Variants in WDR41 observed in about 807,000 individuals in gnomAD.
The protein encoded by WDR41 is WD repeat-containing protein 41.
WDR41 carries 63 observed loss-of-function variants against 69.3 expected under a neutral mutation model. That is an observed-to-expected ratio of 0.91 (90% CI 0.74 to 1.12). WDR41 has a LOEUF of 1.12. WDR41 is among the 50% of genes most tolerant of loss of function. WDR41 has a pLI of 0.00. For missense variants in WDR41, 543 were observed against 534.5 expected, an observed-to-expected ratio of 1.02 and a Z score of -0.16; for synonymous variants, 185 against 192.1, an observed-to-expected ratio of 0.96 and a Z score of 0.31.
intron 1 of WDR41, among the ~76,000 whole-genome samples, chr5:77,589,988 A>C (rs1744108283): frequency 6.6e-6 from 1 of 152,130 alleles, no homozygotes; most frequent in South Asian, 2.1e-4. Context: ...TTTGGGTTAT[A>C]GCCTTTTATT....
intron 8 of WDR41, among the ~76,000 whole-genome samples, chr5:77,445,252 C>T (rs536160579): frequency 6.6e-6 from 1 of 152,134 alleles, no homozygotes; most frequent in African/African-American, 2.4e-5. Context: ...CCTGAATAGA[C>T]CAATAACAAG....
At chr5:77,555,898 A>G (rs1339146368) in intron 1 of WDR41, among the ~76,000 whole-genome samples, 1 of 152,162 alleles carries the variant, frequency 6.6e-6, no homozygotes, top group African/African-American at 2.4e-5. Context: ...AAAAGAGCCA[A>G]GAATTAAACA....
chr5:77,443,758 G>T (rs1480274836), intron 8 of WDR41, among the ~76,000 whole-genome samples: 1 of 151,966 alleles, frequency 6.6e-6, no homozygotes, highest in African/African-American at 2.4e-5. Flanking sequence ...CCATGCAGCT[G>T]CTTGCTCTGA....
intron 12 of WDR41, among the ~76,000 whole-genome samples, chr5:77,435,103 C>G (rs1798888938): frequency 6.6e-6 from 1 of 152,106 alleles, no homozygotes; most frequent in African/African-American, 2.4e-5. Flanking sequence ...GCTATCTTTG[C>G]CCTTCTGCCT....
At chr5:77,614,309 G>T (rs1744629319) in intron 1 of WDR41, among the ~76,000 whole-genome samples, 1 of 151,580 alleles carries the variant, frequency 6.6e-6, no homozygotes, top group African/African-American at 2.4e-5. Context: ...TATACCCAAA[G>T]GACTATAAAT....
intron 1 of WDR41, among the ~76,000 whole-genome samples, chr5:77,520,358 A>G (rs150264874): frequency 2.2e-4 from 34 of 152,250 alleles, no homozygotes; most frequent in African/African-American, 8.2e-4. Flanking sequence ...TCCAGCATTA[A>G]CCCATTAATT....
chr5:77,440,137 A>G (rs569085168), intron 9 of WDR41, among the ~76,000 whole-genome samples: 49 of 152,362 alleles, frequency 3.2e-4, no homozygotes, highest in African/African-American at 1.1e-3. Context: ...AACAGTATAG[A>G]AAGTCACAAA....
intron 2 of WDR41, among the ~76,000 whole-genome samples, chr5:77,478,606 C>A (rs1055007238): frequency 1.3e-5 from 2 of 152,094 alleles, no homozygotes; most frequent in Non-Finnish European, 2.9e-5. Context: ...GCAGAAAAGG[C>A]CTTTGACAAA....
At chr5:77,610,687 G>A (rs1408033911) in intron 1 of WDR41, among the ~76,000 whole-genome samples, 1 of 152,250 alleles carries the variant, frequency 6.6e-6, no homozygotes, top group Non-Finnish European at 1.5e-5. Flanking sequence ...ACCAGTACAA[G>A]CTGCTGCAAA....
At chr5:77,546,425 T>G (rs928211427) in intron 1 of WDR41, among the ~76,000 whole-genome samples, 1 of 150,956 alleles carries the variant, frequency 6.6e-6, no homozygotes. Context: ...CAGTAAGAAA[T>G]GAAATGGGAG....
intron 1 of WDR41, among the ~76,000 whole-genome samples, chr5:77,599,197 CTT>C (rs34759217): frequency 2.8e-4 from 21 of 76,208 alleles, no homozygotes; most frequent in South Asian, 1.2e-3. Flanking sequence ...ATCGGAAGCT[CTT>C]TTTTTTTTTT....
chr5:77,484,339 C>T (rs1476614687), intron 2 of WDR41, among the ~76,000 whole-genome samples: 1 of 152,190 alleles, frequency 6.6e-6, no homozygotes. Flanking sequence ...CCGCTTGATT[C>T]AGGGCACGAT....
At position 77,575,434 on chromosome 5, in the gene WDR41, A is replaced by C. The variant is rs113120087; in HGVS notation, c.42+45045T>G. On this transcript the variant is annotated intron_variant, in intron 1 of 5. Coordinates refer to the WDR41 transcript ENST00000509971. ...TTTCAGTATTTAAGCATCCTCCTAC[A>C]TGACATGTTGAATACTTCTGGTAAG... Among the ~76,000 whole-genome samples, 973 of 152,364 alleles carry C rather than the reference A, an allele frequency of 6.4e-3. 18 individuals carry two copies. Among genetic ancestry groups the C allele is most frequent in the African/African-American group, 0.02 (833 of 41,586 alleles).
intron 1 of WDR41, among the ~76,000 whole-genome samples, chr5:77,541,616 C>T (rs1037260811): frequency 1.7e-4 from 25 of 151,438 alleles, no homozygotes; most frequent in Admixed American, 6.6e-4. Flanking sequence ...CCTCAGCCTC[C>T]TGTGTAGCTG....
chr5:77,533,865 G>C lies in WDR41; in HGVS notation c.43-44293C>G, dbSNP rs191178074. Among the ~76,000 whole-genome samples the C allele has an allele frequency of 3.7e-3, 564 of 152,148 alleles. 2 individuals carry two copies. The highest frequency in any genetic ancestry group is 0.013 in the African/African-American group (527 of 41,518). On this transcript the variant is annotated intron_variant, in intron 1 of 5. Coordinates refer to the WDR41 transcript ENST00000509971. ...GGGGCTACTTCTTTATGTGATGCCT[G>C]TGCTTTTCCACATATTAAAGAGCTG...
chr5:77,434,162 CTA>C (rs769724275), intron 12 of WDR41, among the ~76,000 whole-genome samples: 31 of 151,884 alleles, frequency 2.0e-4, no homozygotes, highest in Non-Finnish European at 3.5e-4. Flanking sequence ...GAAACCCTGT[CTA>C]TACTAAAAAT....
chr5:77,452,001 A>C (rs1371208431), intron 6 of WDR41: 1 of 137,404 alleles, frequency 7.3e-6, no homozygotes, highest in Admixed American at 7.8e-5. Flanking sequence ...GATAAATTAG[A>C]ACCACCACGT....
rs1357717718 is a variant in WDR41, at chr5:77,611,630, A to G, written c.42+8849T>C. The stretch of plus-strand genomic sequence containing the variant: ...CAACGAGAACAAGAATCTCTGGGAC[A>G]CATTCAAAGCAGTGTGTAGAGGGAA... On this transcript the variant is annotated intron_variant, in intron 1 of 5. Coordinates refer to the WDR41 transcript ENST00000509971. Among the ~76,000 whole-genome samples, 12 of 152,412 alleles carry G rather than the reference A, an allele frequency of 7.9e-5. No individual in the cohort carries two copies. In the East Asian group the frequency reaches 2.1e-3, roughly 27 times the overall value.
At position 77,440,794 on chromosome 5, in the gene WDR41, T is replaced by A; in HGVS notation, c.882+19A>T. 6.2e-7 allele frequency: 1 copy of A among 1,611,832 alleles called. No homozygotes were observed. Among genetic ancestry groups the A allele is most frequent in the Non-Finnish European group, 8.5e-7 (1 of 1,178,342 alleles). ...TATATGTCAAAGGCAAGTTTATAGA[T>A]AGTGTATACATTTTTTACCTCTTCA... is the stretch of plus-strand genomic sequence containing the variant. On this transcript the variant is annotated intron_variant, in intron 9 of 12. Transcript: ENST00000296679.
Sources: allele counts gnomAD v4.1 joint callset (sites outside exome capture counted in the v4.1 genomes callset), GRCh38; gene constraint gnomAD v4.1.1; transcripts MANE v1.5; gene names NCBI Gene and HGNC (gene_info 2026-07-23, HGNC 2026-07-21).